The following APBB1IP variants were observed in gnomAD, a reference collection of about 807,000 sequenced individuals.
APBB1IP encodes the protein amyloid beta precursor protein binding family B member 1 interacting protein, also known as amyloid beta A4 precursor protein-binding family B member 1-interacting protein.
APBB1IP carries 27 observed loss-of-function variants against 64.9 expected under a neutral mutation model. That is an observed-to-expected ratio of 0.42 (90% CI 0.31 to 0.57). APBB1IP has a LOEUF of 0.57. Among genes scored for constraint, APBB1IP ranks in the 20% least tolerant of loss-of-function variants. The pLI is 0.20. For missense variants in APBB1IP, 812 were observed against 845.5 expected (o/e 0.96, Z 0.49); for synonymous variants, 392 against 331.0 (o/e 1.18, Z -2.00).
intron 6 of APBB1IP, among the ~76,000 whole-genome samples, chr10:26,506,147 G>A (rs990686325): frequency 6.6e-6 from 1 of 151,124 alleles, no homozygotes; most frequent in Non-Finnish European, 1.5e-5. Flanking sequence ...CACCTTCCTA[G>A]CGAGGCCTTT....
chr10:26,493,777 G>A (rs1042279071), intron 3 of APBB1IP, among the ~76,000 whole-genome samples: 4 of 152,154 alleles, frequency 2.6e-5, no homozygotes, highest in Non-Finnish European at 4.4e-5. Flanking sequence ...CACCAGCGCT[G>A]AGCCATTTCC....
chr10:26,500,813 T>C lies in APBB1IP; in HGVS notation c.161-6T>C. The C allele has an allele frequency of 6.2e-7, 1 of 1,610,164 alleles. No individual in the cohort carries two copies. Among genetic ancestry groups the C allele is most frequent in the Non-Finnish European group, 8.5e-7 (1 of 1,177,248 alleles). On this transcript the variant is annotated splice_region_variant and splice_polypyrimidine_tract_variant and intron_variant, in intron 4 of 14. Coordinates refer to ENST00000376236, the MANE Select transcript of APBB1IP (RefSeq NM_019043.4). ...TTTATACCATTAATGTGATTTTCCC[T>C]ACTAGAGTCCTTAAATGCACTGGAA...
At chr10:26,551,842 G>A (rs561217384) in intron 11 of APBB1IP, among the ~76,000 whole-genome samples, 1 of 152,160 alleles carries the variant, frequency 6.6e-6, no homozygotes, top group Non-Finnish European at 1.5e-5. Flanking sequence ...CCAGAGCTTG[G>A]AGTGATATTT....
chr10:26,505,265 C>T (rs1251743140), intron 6 of APBB1IP, among the ~76,000 whole-genome samples: 1 of 152,230 alleles, frequency 6.6e-6, no homozygotes, highest in Admixed American at 6.5e-5. Flanking sequence ...TGGAGCCAGA[C>T]TTTCAAGGTT....
intron 13 of APBB1IP, 70 bp downstream of exon 13, chr10:26,560,914 C>A (rs1360401751): frequency 8.4e-7 from 1 of 1,197,510 alleles, no homozygotes; most frequent in Non-Finnish European, 1.2e-6. Context: ...GTATCCAATA[C>A]ATCTATACAA....
chr10:26,502,379 C>T (rs552203826), intron 5 of APBB1IP, among the ~76,000 whole-genome samples: 5 of 152,286 alleles, frequency 3.3e-5, no homozygotes, highest in East Asian at 3.9e-4. Context: ...TGGTGGCTCA[C>T]GCCTGTAATC....
intron 2 of APBB1IP, among the ~76,000 whole-genome samples, chr10:26,456,952 C>T (rs918055422): frequency 6.6e-6 from 1 of 152,134 alleles, no homozygotes; most frequent in African/African-American, 2.4e-5. Flanking sequence ...ACTGACCAGA[C>T]AAACTGATCA....
intron 2 of APBB1IP, among the ~76,000 whole-genome samples, chr10:26,442,808 C>T (rs939412409): frequency 6.6e-6 from 1 of 152,100 alleles, no homozygotes; most frequent in African/African-American, 2.4e-5. Context: ...CCCCATTTCC[C>T]AGCTAGAGGT....
intron 2 of APBB1IP, among the ~76,000 whole-genome samples, chr10:26,491,974 C>G (rs548052761): frequency 9.2e-5 from 14 of 152,258 alleles, no homozygotes; most frequent in Non-Finnish European, 2.1e-4. Context: ...ATTGTTCAAG[C>G]TGGTCTCAAA....
chr10:26,492,255 G>C (rs940511691), intron 2 of APBB1IP, 72 bp from the exon 3 acceptor site: 10 of 1,368,582 alleles, frequency 7.3e-6, no homozygotes, highest in Non-Finnish European at 1.0e-5. Context: ...GGGGGAAAGA[G>C]AGGGATGCAA....
intron 11 of APBB1IP, among the ~76,000 whole-genome samples, chr10:26,557,989 A>T (rs1185731674): frequency 1.3e-5 from 2 of 152,152 alleles, no homozygotes; most frequent in Non-Finnish European, 2.9e-5. Context: ...TTTCCTGCCA[A>T]CTGAAGAGCA....
At chr10:26,458,906 G>A (rs943525681) in intron 2 of APBB1IP, among the ~76,000 whole-genome samples, 6 of 152,042 alleles carry the variant, frequency 3.9e-5, no homozygotes, top group South Asian at 2.1e-4. Flanking sequence ...GTATAAGTGT[G>A]TATTTTCTTT....
rs1835699923 is a variant in APBB1IP at position 26,470,217 on chromosome 10, A to G, written c.1-22110A>G. ...CTTTCAATAAAGTATCCAGTGAATT[A>G]CATAAGATGTTCAACTCTTCATTAT... On this transcript the variant is annotated intron_variant, in intron 2 of 14. Transcript: ENST00000376236. 2.0e-5 allele frequency among the ~76,000 whole-genome samples: 3 copies of G among 152,240 alleles called. 1 individual carries two copies. In the South Asian group the frequency reaches 6.2e-4, roughly 31 times the overall value.
rs367775630 is a variant in APBB1IP, at chr10:26,470,395, C to T, written c.1-21932C>T. Among the ~76,000 whole-genome samples the T allele has an allele frequency of 6.6e-5, 10 of 152,062 alleles. No homozygotes were observed. In the South Asian group the frequency reaches 8.3e-4, roughly 13 times the overall value. On this transcript the variant is annotated intron_variant, in intron 2 of 14. Coordinates refer to ENST00000376236, the MANE Select transcript of APBB1IP (RefSeq NM_019043.4). Reference sequence around the variant, plus strand: ...CTACTAAAAATACAAAAAAATTAGCCGGATGTGGAGGCAGGCGCCTGTAAT... The same window carrying T: ...CTACTAAAAATACAAAAAAATTAGCTGGATGTGGAGGCAGGCGCCTGTAAT...
At chr10:26,482,207 G>A (rs148020068) in intron 2 of APBB1IP, among the ~76,000 whole-genome samples, 26 of 152,280 alleles carry the variant, frequency 1.7e-4, no homozygotes, top group African/African-American at 6.0e-4. Flanking sequence ...ACAGTGCAAA[G>A]TTGGTTAAGT....
At chr10:26,519,577 AACACTGGGGATT>A (rs951026511) in intron 8 of APBB1IP, among the ~76,000 whole-genome samples, 20 of 152,340 alleles carry the variant, frequency 1.3e-4, no homozygotes, top group African/African-American at 2.6e-4. Context: ...CCCGACTTCC[AACACTGGGGATT>A]ACAATTAGAG....
intron 2 of APBB1IP, among the ~76,000 whole-genome samples, chr10:26,474,744 T>C (rs1266998148): frequency 5.3e-5 from 8 of 152,258 alleles, no homozygotes; most frequent in African/African-American, 1.9e-4. Flanking sequence ...CATTTCCAGC[T>C]TGGAGTTGGA....
chr10:26,524,999 GA>G (rs1045497660), intron 8 of APBB1IP, among the ~76,000 whole-genome samples: 3 of 109,804 alleles, frequency 2.7e-5, no homozygotes, highest in Non-Finnish European at 5.3e-5. Context: ...CCTGGCAAGA[GA>G]AAAAAAAGTC....
At chr10:26,512,010 A>G (rs1836267588) in intron 7 of APBB1IP, 104 bp downstream of exon 7, 2 of 1,292,672 alleles carry the variant, frequency 1.5e-6, no homozygotes, top group Non-Finnish European at 2.1e-6. Context: ...TTATATAAAA[A>G]ATAGACACAT....
Sources: allele counts gnomAD v4.1 joint callset (sites outside exome capture counted in the v4.1 genomes callset), GRCh38; gene constraint gnomAD v4.1.1; transcripts MANE v1.5; gene names NCBI Gene and HGNC (gene_info 2026-07-23, HGNC 2026-07-21).